Variants in MALRD1 observed in about 807,000 individuals in gnomAD.
MALRD1 encodes the protein MAM and LDL-receptor class A domain-containing protein 1.
MALRD1 carries 247 observed loss-of-function variants against 242.1 expected under a neutral mutation model. That is an observed-to-expected ratio of 1.02 (90% CI 0.92 to 1.13). The LOEUF (loss-of-function observed/expected upper bound fraction) is 1.13. MALRD1 is among the 50% of genes most tolerant of loss of function. The pLI is 0.00. For synonymous variants in MALRD1, 995 were observed against 866.6 expected (o/e 1.15, Z -2.60); for missense variants, 2,989 against 2,533.1 (o/e 1.18, Z -3.86).
At position 19,209,304 on chromosome 10, in the gene MALRD1, G is replaced by A. The variant is rs1191824724; in HGVS notation, c.2615G>A (p.Cys872Tyr). Reference sequence around the variant, plus strand: ...CAGTGTAACTTTGAAACTGGAATCTGTAACTGGGAACAAGATGCAAAAGAT... The same window carrying A: ...CAGTGTAACTTTGAAACTGGAATCTATAACTGGGAACAAGATGCAAAAGAT... The part of the protein sequence containing the change: ...ELQCNFETGI[C>Y]NWEQDAKDDF... The change falls in exon 18 of 40, where the codon TGT becomes TAT. Residue 872 changes from cysteine (C) to tyrosine (Y), a missense_variant. Physicochemically the swap from Cys to Tyr is radical, Grantham distance 194. Transcript: ENST00000454679. The A allele has an allele frequency of 3.2e-6, 5 of 1,547,366 alleles. No homozygotes were observed. The African/African-American group carries it at 6.9e-5, about 21-fold the overall frequency.
intron 14 of MALRD1, among the ~76,000 whole-genome samples, chr10:19,182,177 A>G (rs866159904): frequency 1.2e-4 from 18 of 152,106 alleles, no homozygotes; most frequent in Non-Finnish European, 8.8e-5. Flanking sequence ...CCAAATGTAC[A>G]TGGTTTAAGA....
chr10:19,436,905 T>G (rs1004127173), intron 28 of MALRD1, among the ~76,000 whole-genome samples: 1 of 152,184 alleles, frequency 6.6e-6, no homozygotes, highest in Non-Finnish European at 1.5e-5. Context: ...AAATCCCCTG[T>G]TGCTCACCTA....
intron 36 of MALRD1, among the ~76,000 whole-genome samples, chr10:19,623,233 A>G (rs1001179824): frequency 6.6e-6 from 1 of 152,146 alleles, no homozygotes; most frequent in African/African-American, 2.4e-5. Context: ...GCAATCTGAG[A>G]GAAAATACTT....
Position 19,203,814 on chromosome 10 carries a change from A to G in MALRD1, c.2038A>G (p.Ser680Gly). The change falls in exon 15 of 40, where the codon AGT becomes GGT. Residue 680 changes from serine to glycine, a missense_variant. By Grantham distance (56) the Ser-to-Gly change is moderately conservative (BLOSUM62 0). Transcript: ENST00000454679. ...DHFDWIRSSQ[S>G]ELSADFEHQA... ...TTTTGACTGGATACGGAGCTCTCAG[A>G]GTGAACTTTCTGCTGATTTTGAGCA... 1 of 1,550,578 alleles carries G rather than the reference A, an allele frequency of 6.4e-7. No individual in the cohort carries two copies. Among genetic ancestry groups the G allele is most frequent in the Non-Finnish European group, 8.7e-7 (1 of 1,146,954 alleles).
intron 36 of MALRD1, among the ~76,000 whole-genome samples, chr10:19,682,624 T>A (rs1842419352): frequency 1.3e-5 from 2 of 152,202 alleles, no homozygotes; most frequent in South Asian, 2.1e-4. Flanking sequence ...AGCAAATTAA[T>A]CGCTGCTACT....
At chr10:19,539,897 T>TGTGTGTGTGTGC (rs1365113182) in intron 32 of MALRD1, among the ~76,000 whole-genome samples, 26 of 44,432 alleles carry the variant, frequency 5.9e-4, no homozygotes, top group African/African-American at 1.6e-3. Context: ...TGTGTGTGTG[T>TGTGTGTGTGTGC]GCGCGCGCGC....
At chr10:19,086,763 G>C (rs1254775525) in intron 2 of MALRD1, among the ~76,000 whole-genome samples, 3 of 152,084 alleles carry the variant, frequency 2.0e-5, no homozygotes, top group African/African-American at 7.2e-5. Flanking sequence ...GCCTCTGGCC[G>C]AGTTAGGTCA....
chr10:19,663,372 A>C, intron 36 of MALRD1, among the ~76,000 whole-genome samples: 1 of 151,994 alleles, frequency 6.6e-6, no homozygotes, highest in African/African-American at 2.4e-5. Flanking sequence ...TTTCTTATGG[A>C]TGAGTAGTAT....
At chr10:19,171,772 G>GAT (rs931469498) in intron 13 of MALRD1, among the ~76,000 whole-genome samples, 4 of 139,288 alleles carry the variant, frequency 2.9e-5, no homozygotes, top group African/African-American at 5.2e-5. Context: ...CACATATATT[G>GAT]ATATATATAT....
intron 36 of MALRD1, among the ~76,000 whole-genome samples, chr10:19,618,764 C>G (rs571733821): frequency 6.6e-6 from 1 of 152,168 alleles, no homozygotes; most frequent in Non-Finnish European, 1.5e-5. Flanking sequence ...ATAATCTTTA[C>G]TTTTCACCTT....
intron 11 of MALRD1, among the ~76,000 whole-genome samples, chr10:19,147,565 CTTCT>C (rs1034896231): frequency 1.3e-5 from 2 of 152,150 alleles, no homozygotes; most frequent in African/African-American, 4.8e-5. Flanking sequence ...TAATATTTTA[CTTCT>C]TTTTCTCTGT....
At chr10:19,367,664 A>C (rs1845164914) in intron 26 of MALRD1, among the ~76,000 whole-genome samples, 1 of 152,040 alleles carries the variant, frequency 6.6e-6, no homozygotes, top group Non-Finnish European at 1.5e-5. Flanking sequence ...TTCTATTTGA[A>C]GTTTTTTGAG....
chr10:19,613,944 T>C (rs1351014708), intron 35 of MALRD1, among the ~76,000 whole-genome samples: 1 of 152,026 alleles, frequency 6.6e-6, no homozygotes, highest in Non-Finnish European at 1.5e-5. Context: ...TCCCCAAACG[T>C]GACCGAAGTG....
chr10:19,345,923 G>A (rs978507353), intron 24 of MALRD1, among the ~76,000 whole-genome samples: 6 of 151,758 alleles, frequency 4.0e-5, no homozygotes, highest in Admixed American at 1.3e-4. Flanking sequence ...GGTAAAACTC[G>A]TATGTTTTCT....
intron 36 of MALRD1, among the ~76,000 whole-genome samples, chr10:19,672,012 C>T (rs1271070565): frequency 6.6e-6 from 1 of 152,078 alleles, no homozygotes; most frequent in East Asian, 1.9e-4. Flanking sequence ...GGTAAATGTC[C>T]TATTGTCCTT....
intron 28 of MALRD1, among the ~76,000 whole-genome samples, chr10:19,431,587 C>G (rs564538813): frequency 6.6e-5 from 10 of 152,180 alleles, no homozygotes; most frequent in Non-Finnish European, 1.5e-4. Flanking sequence ...TAGCACTCCT[C>G]AAAAGACTTT....
chr10:19,290,120 A>G (rs1401306991), intron 21 of MALRD1: 2 of 152,094 alleles, frequency 1.3e-5, no homozygotes, highest in African/African-American at 2.4e-5. Flanking sequence ...TAAAATGCAT[A>G]TTTTTTACCA....
Position 19,525,649 on chromosome 10 carries a change from A to C in MALRD1, c.5321-5545A>C, listed in dbSNP as rs143030447. On this transcript the variant is annotated intron_variant, in intron 31 of 39. Transcript: ENST00000454679. ...ATGCAAAATGTAAAATCTGTGCCCC[A>C]GGAATCTTAAGAACTTATAATCATA... Among the ~76,000 whole-genome samples, 94 of 152,324 alleles carry C rather than the reference A, an allele frequency of 6.2e-4. No individual in the cohort carries two copies. In the Middle Eastern group the frequency reaches 0.01, roughly 17 times the overall value.
chr10:19,533,370 T>A (rs1322409815), intron 32 of MALRD1, among the ~76,000 whole-genome samples: 2 of 152,096 alleles, frequency 1.3e-5, no homozygotes, highest in African/African-American at 4.8e-5. Flanking sequence ...TTCAGAGAGG[T>A]CTACTAGAAA....
Sources: gnomAD v4.1 joint callset for allele counts (sites outside exome capture counted in the v4.1 genomes callset) on GRCh38, gnomAD v4.1.1 for gene constraint, MANE v1.5 for transcripts, NCBI Gene and HGNC (gene_info 2026-07-23, HGNC 2026-07-21) for gene names.